DNAH2: variants seen among roughly 807,000 people sequenced by gnomAD.
DNAH2 encodes axonemal beta dynein heavy chain 2.
Under a neutral mutation model 523.5 loss-of-function variants are expected in DNAH2, and 323 were observed. The ratio of observed to expected loss-of-function variants is 0.62; its 90% confidence interval spans 0.56 to 0.68. DNAH2 has a LOEUF of 0.68. Ranked by LOEUF, DNAH2 falls within the 30% of genes least tolerant of loss-of-function variation. The pLI is 0.00. For missense variants in DNAH2, 4,907 were observed against 5,701.5 expected, an observed-to-expected ratio of 0.86 and a Z score of 4.49; for synonymous variants, 2,093 against 2,177.4, an observed-to-expected ratio of 0.96 and a Z score of 1.08.
At chr17:7,719,072 T>C (rs1047708770) in intron 1 of DNAH2, among the ~76,000 whole-genome samples, 2 of 151,220 alleles carry the variant, frequency 1.3e-5, no homozygotes, top group African/African-American at 4.9e-5. Context: ...TATGTTCTCA[T>C]ACCCCGGGGC....
At chr17:7,724,455 C>T (rs553212351) in intron 3 of DNAH2, among the ~76,000 whole-genome samples, 1 of 152,138 alleles carries the variant, frequency 6.6e-6, no homozygotes, top group South Asian at 2.1e-4. Context: ...CCCATCTTTA[C>T]TAAAAATACA....
At position 7,739,817 on chromosome 17, in the gene DNAH2, C is replaced by A. The variant is rs761388595; in HGVS notation, c.1255C>A (p.Gln419Lys). 6.2e-7 allele frequency: 1 copy of A among 1,613,984 alleles called. No individual in the cohort carries two copies. Among genetic ancestry groups the A allele is most frequent in the Non-Finnish European group, 8.5e-7 (1 of 1,180,000 alleles). Residue 419 changes from glutamine to lysine, a missense_variant, in exon 9 of 86, where the codon CAG (glutamine) becomes AAG (lysine). Physicochemically the swap from Gln to Lys is moderately conservative, Grantham distance 53. Transcript: ENST00000572933. ...LPCFFGAQGP[Q>K]ITRNLLEIED... The stretch of plus-strand genomic sequence containing the variant: ...TTGCTTCTTTGGTGCCCAGGGGCCA[C>A]AGATAACACGGAACTTGCTGGAGAT...
chr17:7,805,851 C>G lies in DNAH2; in HGVS notation c.9442+458C>G, dbSNP rs577919878. On this transcript the variant is annotated intron_variant, in intron 61 of 85. Transcript: ENST00000572933. ...CCTGGGAGACAGAGCCAGACCCTGT[C>G]TCCAAAGAAAAAAAAAGATTATTTA... is the stretch of plus-strand genomic sequence containing the variant. 3.2e-3 allele frequency among the ~76,000 whole-genome samples: 452 copies of G among 143,054 alleles called. 10 individuals are homozygous for G. Among genetic ancestry groups the G allele is most frequent in the Middle Eastern group, 0.011 (3 of 276 alleles). The allele number at this position is 143,054 out of a possible 152,430, so 93.8% of individuals were successfully genotyped here.
chr17:7,734,144 A>G (rs1057043601), intron 5 of DNAH2, 39 bp from the exon 6 acceptor site: 1 of 1,538,308 alleles, frequency 6.5e-7, no homozygotes, highest in African/African-American at 1.4e-5. Flanking sequence ...GCAAGAACTC[A>G]TCCCCTCTGT....
At position 7,797,522 on chromosome 17, in the gene DNAH2, C is replaced by G. The variant is rs1158655310; in HGVS notation, c.8072C>G (p.Pro2691Arg). The change falls in exon 52 of 86, where the codon CCT becomes CGT. Residue 2691 changes from proline to arginine, a missense_variant. Pro to Arg is a moderately radical substitution (Grantham distance 103). Coordinates refer to ENST00000572933, the MANE Select transcript of DNAH2 (RefSeq NM_020877.5). ...FHHLCPSKRPPIFGDFLKEPK... is the reference protein window; with the variant it reads ...FHHLCPSKRPRIFGDFLKEPK... ...CATCTCTGTCCCAGCAAGCGTCCTC[C>G]TATCTTTGGTGAGCCAGGAGCTGTG... 4 of 1,614,198 alleles carry G rather than the reference C, an allele frequency of 2.5e-6. No individual in the cohort carries two copies.
In DNAH2 at chr17:7,779,321, T is replaced by C; in HGVS notation, c.5620T>C (p.Cys1874Arg). 1.2e-6 allele frequency: 2 copies of C among 1,614,206 alleles called. No homozygotes were observed. The highest frequency in any genetic ancestry group is 1.7e-6 in the Non-Finnish European group (2 of 1,180,046). The change falls in exon 36 of 86, where the codon TGC (cysteine) becomes CGC (arginine). Residue 1874 changes from cysteine (C) to arginine (R), a missense_variant. By Grantham distance (180) the Cys-to-Arg change is radical (BLOSUM62 -3). This residue lies in a region of DNAH2 where 2,806 missense variants were observed against 3,190.8 expected (regional missense o/e 0.88). Transcript: ENST00000572933. ...GTCAGTGGTGGCCCACCAGATCCTG[T>C]GCATCCTGTCTGCCCTGGCTGCCGG... ...VLSVVAHQIL[C>R]ILSALAAGLT...
intron 73 of DNAH2, among the ~76,000 whole-genome samples, chr17:7,822,610 CTAGA>C (rs2077888814): frequency 6.7e-6 from 1 of 149,416 alleles, no homozygotes; most frequent in Non-Finnish European, 1.5e-5. Flanking sequence ...CTTTGCTATA[CTAGA>C]TAATTTACTT....
rs2077731782 is a variant in DNAH2 at position 7,818,004 on chromosome 17, T to C, written c.10295T>C (p.Ile3432Thr). 1 of 1,613,950 alleles carries C rather than the reference T, an allele frequency of 6.2e-7. No individual in the cohort carries two copies. The highest frequency in any genetic ancestry group is 1.3e-5 in the African/African-American group (1 of 74,872). ...SDYLRILEHA[I>T]HFGYPVLLQN... The stretch of plus-strand genomic sequence containing the variant: ...TACCTGCGAATCCTAGAACACGCCA[T>C]TCACTTTGGATACCCGGTGCTACTT... Residue 3432 changes from isoleucine to threonine, a missense_variant, in exon 68 of 86, where the codon ATT (isoleucine) becomes ACT (threonine). By Grantham distance (89) the Ile-to-Thr change is moderately conservative (BLOSUM62 -1). Coordinates refer to ENST00000572933, the MANE Select transcript of DNAH2 (RefSeq NM_020877.5).
chr17:7,768,344 C>T, intron 24 of DNAH2, 77 bp downstream of exon 24: 2 of 1,433,848 alleles, frequency 1.4e-6, no homozygotes, highest in Non-Finnish European at 9.8e-7. Flanking sequence ...TCCCATTCTC[C>T]TCTCCGCAGT....
chr17:7,823,575 G>A lies in DNAH2; in HGVS notation c.11276G>A (p.Arg3759His), dbSNP rs375926522. Residue 3759 changes from arginine (R) to histidine (H), a missense_variant, in exon 74 of 86, where the codon CGT (arginine) becomes CAT (histidine). Around this residue, in one of 3 missense-constraint regions of DNAH2, gnomAD observed 1,851 missense variants for 2,139.4 expected, o/e 0.87. Transcript: ENST00000572933. The part of the protein sequence containing the change: ...GLMNSFEQYP[R>H]DWHLWYTNAA... ...ATGAACTCCTTTGAGCAGTACCCTC[G>A]TGACTGGCACCTGTGGTATACCAAT... 1.8e-5 allele frequency: 29 copies of A among 1,614,034 alleles called. No homozygotes were observed. Among genetic ancestry groups the A allele is most frequent in the African/African-American group, 1.6e-4 (12 of 74,910 alleles).
intron 13 of DNAH2, 68 bp downstream of exon 13, chr17:7,757,305 C>G (rs1335483003): frequency 1.3e-6 from 2 of 1,536,972 alleles, no homozygotes; most frequent in Non-Finnish European, 1.8e-6. Context: ...TCTTATCTGC[C>G]CTGTAATGTT....
At position 7,821,289 on chromosome 17, in the gene DNAH2, T is replaced by C. The variant is rs759564749; in HGVS notation, c.11062T>C (p.Phe3688Leu). ...CGAACGCCACAAACTACTATTCAGT[T>C]TTCATATGTGTGCCAAAATCTTGGA... Reference protein sequence around the residue: ...LFERHKLLFSFHMCAKILETS... With the variant: ...LFERHKLLFSLHMCAKILETS... Residue 3688 changes from phenylalanine (F) to leucine (L), a missense_variant, in exon 73 of 86, where the codon TTT becomes CTT. By Grantham distance (22) the Phe-to-Leu change is conservative (BLOSUM62 0). This residue lies in a region of DNAH2 where 1,851 missense variants were observed against 2,139.4 expected (regional missense o/e 0.87). Transcript: ENST00000572933. The surrounding 1 kb of genome is among the most constrained non-coding windows in gnomAD (Gnocchi z 5.0). 2.5e-6 allele frequency: 4 copies of C among 1,613,952 alleles called. No homozygotes were observed. The South Asian group carries it at 4.4e-5, about 18-fold the overall frequency.
At chr17:7,820,171 A>G (rs1162324685) in intron 72 of DNAH2, among the ~76,000 whole-genome samples, 1 of 151,980 alleles carries the variant, frequency 6.6e-6, no homozygotes, top group African/African-American at 2.4e-5. Context: ...GTTCATGAAT[A>G]TTTCTGCAAC....
intron 20 of DNAH2, among the ~76,000 whole-genome samples, chr17:7,764,945 C>T (rs898026755): frequency 6.7e-6 from 1 of 148,560 alleles, no homozygotes; most frequent in Non-Finnish European, 1.5e-5. Flanking sequence ...TGGGCTCAAG[C>T]GATCCTCCCA....
chr17:7,776,167 G>C lies in DNAH2; in HGVS notation c.4947+18G>C. On this transcript the variant is annotated intron_variant, in intron 31 of 85. Coordinates refer to ENST00000572933, the MANE Select transcript of DNAH2 (RefSeq NM_020877.5). ...CTGGCCAGGTGAGCTGGGGTCAACA[G>C]AAGTGAGGGAACAAGGGGCTGGGCA... 1 of 1,611,982 alleles carries C rather than the reference G, an allele frequency of 6.2e-7. No homozygotes were observed. Among genetic ancestry groups the C allele is most frequent in the Non-Finnish European group, 8.5e-7 (1 of 1,178,964 alleles).
chr17:7,733,433 T>C, intron 5 of DNAH2, 118 bp downstream of exon 5: 1 of 918,430 alleles, frequency 1.1e-6, no homozygotes, highest in Non-Finnish European at 1.6e-6. Flanking sequence ...TCAGCATGCT[T>C]ATCGAATTGG....
At chr17:7,802,355 G>A (rs2077246088) in intron 58 of DNAH2, among the ~76,000 whole-genome samples, 1 of 152,140 alleles carries the variant, frequency 6.6e-6, no homozygotes. Context: ...ACCTGTATGA[G>A]ATAGAAAAAG....
intron 73 of DNAH2, among the ~76,000 whole-genome samples, chr17:7,822,274 G>A (rs2077877078): frequency 6.6e-6 from 1 of 152,136 alleles, no homozygotes; most frequent in African/African-American, 2.4e-5. Flanking sequence ...CCCGGCCTGA[G>A]AGGTCCTTTT....
Position 7,766,318 on chromosome 17 carries a change from G to C in DNAH2, c.3512G>C (p.Gly1171Ala). Reference protein sequence around the residue: ...HTLLEDFEFKGHFTSNVGYMS... With the variant: ...HTLLEDFEFKAHFTSNVGYMS... ...GAGCTTCATCCTGAATCCTCCACAG[G>C]CCATTTCACCAGCAACGTGGGATAC... The change falls in exon 22 of 86, where the codon GGC becomes GCC. Residue 1171 changes from glycine to alanine, a missense_variant and splice_region_variant. Physicochemically the swap from Gly to Ala is moderately conservative, Grantham distance 60. Transcript: ENST00000572933. 6.2e-7 allele frequency: 1 copy of C among 1,613,000 alleles called. No individual in the cohort carries two copies. Among genetic ancestry groups the C allele is most frequent in the Non-Finnish European group, 8.5e-7 (1 of 1,179,282 alleles).
Sources: gnomAD v4.1 joint callset for allele counts (sites outside exome capture counted in the v4.1 genomes callset) on GRCh38, gnomAD v4.1.1 for gene constraint, gnomAD v4.1.1 regional missense constraint, Gnocchi (gnomAD v3.1) non-coding constraint, MANE v1.5 for transcripts, NCBI Gene and HGNC (gene_info 2026-07-23, HGNC 2026-07-21) for gene names.